Variants in DLG2 observed in about 807,000 individuals in gnomAD.
DLG2 encodes the protein discs large MAGUK scaffold protein 2.
In DLG2, 45 loss-of-function variants were observed where a neutral mutation model predicts 132.5. The ratio of observed to expected loss-of-function variants is 0.34; its 90% CI spans 0.27 to 0.44. The LOEUF (loss-of-function observed/expected upper bound fraction) is 0.44, where lower values mean the gene tolerates loss of function less well. Ranked by LOEUF, DLG2 falls within the 20% of genes least tolerant of loss-of-function variation. The pLI is 1.00. For synonymous variants in DLG2, 424 were observed against 419.6 expected, an observed-to-expected ratio of 1.01 and a Z score of -0.13; for missense variants, 1,045 against 1,196.9, an observed-to-expected ratio of 0.87 and a Z score of 1.87.
intron 7 of DLG2, among the ~76,000 whole-genome samples, chr11:84,358,229 C>A (rs2098629295): frequency 1.3e-5 from 2 of 151,926 alleles, no homozygotes; most frequent in South Asian, 4.1e-4. Flanking sequence ...TTGATAAAAG[C>A]TGACTGTGGC....
chr11:84,421,146 A>G (rs1238270909), intron 7 of DLG2, among the ~76,000 whole-genome samples: 1 of 152,160 alleles, frequency 6.6e-6, no homozygotes, highest in Non-Finnish European at 1.5e-5. Context: ...GTGAGAAGAC[A>G]GCTGTCTATG....
At chr11:83,739,010 A>G (rs2092271848) in intron 18 of DLG2, among the ~76,000 whole-genome samples, 1 of 152,148 alleles carries the variant, frequency 6.6e-6, no homozygotes, top group Non-Finnish European at 1.5e-5. Context: ...GGTTCTATTT[A>G]TATTATTTTA....
At chr11:85,057,592 T>C (rs943990227) in intron 6 of DLG2, among the ~76,000 whole-genome samples, 3 of 151,564 alleles carry the variant, frequency 2.0e-5, no homozygotes, top group Admixed American at 2.0e-4. Context: ...AAAATAATAA[T>C]GTTAATCTAA....
intron 3 of DLG2, among the ~76,000 whole-genome samples, chr11:85,336,779 G>A (rs900651703): frequency 6.6e-6 from 1 of 152,188 alleles, no homozygotes; most frequent in Non-Finnish European, 1.5e-5. Context: ...GCCAAACTGA[G>A]CAATTTTGGT....
chr11:83,490,249 G>A (rs992503364), intron 21 of DLG2, among the ~76,000 whole-genome samples: 3 of 151,680 alleles, frequency 2.0e-5, no homozygotes, highest in Non-Finnish European at 4.4e-5. Flanking sequence ...AAAATGAATG[G>A]TAGCATATGA....
At chr11:83,812,142 C>T (rs949629751) in intron 17 of DLG2, among the ~76,000 whole-genome samples, 2 of 152,128 alleles carry the variant, frequency 1.3e-5, no homozygotes, top group African/African-American at 4.8e-5. Context: ...TGTCATGCTG[C>T]CACCCTTGCC....
chr11:84,095,893 T>A (rs937821452), intron 10 of DLG2, among the ~76,000 whole-genome samples: 1 of 152,126 alleles, frequency 6.6e-6, no homozygotes, highest in African/African-American at 2.4e-5. Flanking sequence ...GCAATATTCA[T>A]ATACACAGTC....
chr11:85,254,691 C>T (rs1336103977), intron 4 of DLG2, among the ~76,000 whole-genome samples: 1 of 152,104 alleles, frequency 6.6e-6, no homozygotes, highest in African/African-American at 2.4e-5. Flanking sequence ...CTCTAAAAAT[C>T]AATTAGCATT....
intron 6 of DLG2, among the ~76,000 whole-genome samples, chr11:85,024,427 A>T (rs779665119): frequency 2.0e-4 from 31 of 152,348 alleles, no homozygotes; most frequent in Non-Finnish European, 3.8e-4. Flanking sequence ...TAAAACACAG[A>T]CCAAGTAGAA....
intron 3 of DLG2, among the ~76,000 whole-genome samples, chr11:85,314,598 G>A (rs2080528479): frequency 6.6e-6 from 1 of 151,844 alleles, no homozygotes; most frequent in African/African-American, 2.4e-5. Context: ...TAAATTTCTG[G>A]TACTTTATTT....
intron 6 of DLG2, among the ~76,000 whole-genome samples, chr11:84,607,622 A>G (rs1209927197): frequency 6.6e-6 from 1 of 152,082 alleles, no homozygotes; most frequent in Non-Finnish European, 1.5e-5. Context: ...TTTTTAATGA[A>G]TATAATTCCT....
At chr11:85,439,807 C>T (rs557678742) in intron 3 of DLG2, among the ~76,000 whole-genome samples, 2 of 152,138 alleles carry the variant, frequency 1.3e-5, no homozygotes, top group African/African-American at 4.8e-5. Context: ...ATTAAAGAGC[C>T]TTATTTTATG....
chr11:83,950,457 G>A (rs1462559771), intron 14 of DLG2, among the ~76,000 whole-genome samples: 1 of 152,174 alleles, frequency 6.6e-6, no homozygotes, highest in Non-Finnish European at 1.5e-5. Flanking sequence ...AGCTGGGCAT[G>A]GTGGTGCATG....
chr11:84,180,918 T>G (rs2096105269), intron 8 of DLG2, among the ~76,000 whole-genome samples: 1 of 151,918 alleles, frequency 6.6e-6, no homozygotes, highest in African/African-American at 2.4e-5. Flanking sequence ...AATATTGCAG[T>G]AAGTACTTCG....
intron 5 of DLG2, 109 bp downstream of exon 5, chr11:85,154,447 G>C (rs1594892498): frequency 1.7e-6 from 1 of 584,950 alleles, no homozygotes; most frequent in Admixed American, 3.7e-5. Flanking sequence ...CTAGAAATTA[G>C]GTTACACATT....
intron 6 of DLG2, among the ~76,000 whole-genome samples, chr11:84,882,720 C>T (rs1382349681): frequency 6.6e-6 from 1 of 152,020 alleles, no homozygotes; most frequent in East Asian, 1.9e-4. Flanking sequence ...GAGATGGGTA[C>T]ATTCTGTGTG....
At chr11:84,251,314 A>C (rs1489959876) in intron 7 of DLG2, 23 bp from the exon 8 acceptor site, 18 of 1,519,330 alleles carry the variant, frequency 1.2e-5, no homozygotes, top group Non-Finnish European at 1.6e-5. Flanking sequence ...ATAGAAAAAA[A>C]ATTAAATAAT....
chr11:84,686,728 C>A (rs2099738586), intron 6 of DLG2: 1 of 150,572 alleles, frequency 6.6e-6, no homozygotes, highest in Non-Finnish European at 1.5e-5. Flanking sequence ...TAGTGACTGC[C>A]TAACACTCAT....
intron 9 of DLG2, among the ~76,000 whole-genome samples, chr11:84,152,106 T>C (rs1347820806): frequency 6.6e-6 from 1 of 152,174 alleles, no homozygotes; most frequent in Non-Finnish European, 1.5e-5. Flanking sequence ...CTTTCTTAGT[T>C]TGCTGCATTG....
Sources: gnomAD v4.1 joint callset for allele counts (sites outside exome capture counted in the v4.1 genomes callset) on GRCh38, gnomAD v4.1.1 for gene constraint, MANE v1.5 for transcripts, NCBI Gene and HGNC (gene_info 2026-07-23, HGNC 2026-07-21) for gene names.